The following CADM2 variants were observed in gnomAD, a reference collection of about 807,000 sequenced individuals.
CADM2 encodes immunoglobulin superfamily member 4D.
A neutral mutation model predicts 49.8 loss-of-function variants in CADM2; 12 were observed. The ratio of observed to expected loss-of-function variants is 0.24; its 90% CI spans 0.15 to 0.39. The LOEUF (loss-of-function observed/expected upper bound fraction) is 0.39, where lower values mean the gene tolerates loss of function less well. Ranked by LOEUF, CADM2 falls within the 10% of genes least tolerant of loss-of-function variation. The pLI, the probability that CADM2 is intolerant of heterozygous loss-of-function variation, is 1.00. For missense variants in CADM2, 378 were observed against 492.3 expected (o/e 0.77, Z 2.20); for synonymous variants, 214 against 175.4 (o/e 1.22, Z -1.74).
At chr3:84,972,830 G>A (rs1276029908) in intron 1 of CADM2, among the ~76,000 whole-genome samples, 1 of 152,194 alleles carries the variant, frequency 6.6e-6, no homozygotes, top group Non-Finnish European at 1.5e-5. Context: ...CCCTTATGGA[G>A]TTTACAGTCT....
chr3:85,751,151 G>T (rs943045385), intron 2 of CADM2, among the ~76,000 whole-genome samples: 2 of 151,992 alleles, frequency 1.3e-5, no homozygotes, highest in African/African-American at 2.4e-5. Flanking sequence ...GCAAAAACTG[G>T]GTAGGGGCAA....
At chr3:85,717,650 G>T (rs2067343717) in intron 1 of CADM2, among the ~76,000 whole-genome samples, 1 of 152,156 alleles carries the variant, frequency 6.6e-6, no homozygotes, top group African/African-American at 2.4e-5. Context: ...TTATTACTTT[G>T]AGATACATTC....
intron 2 of CADM2, among the ~76,000 whole-genome samples, chr3:85,743,878 A>C (rs977082792): frequency 6.6e-6 from 1 of 152,152 alleles, no homozygotes; most frequent in African/African-American, 2.4e-5. Flanking sequence ...ATTTAAATAA[A>C]TATATATTTA....
chr3:85,761,341 A>G (rs574842441), intron 2 of CADM2, among the ~76,000 whole-genome samples: 3 of 151,380 alleles, frequency 2.0e-5, no homozygotes, highest in Non-Finnish European at 4.4e-5. Flanking sequence ...TGGTATGAAT[A>G]AAAACTGTTG....
At chr3:85,998,736 T>C (rs1729747203) in intron 8 of CADM2, among the ~76,000 whole-genome samples, 1 of 152,034 alleles carries the variant, frequency 6.6e-6, no homozygotes, top group South Asian at 2.1e-4. Context: ...TATAGTATGA[T>C]GGATGGAAGA....
chr3:85,777,747 T>G (rs1198960926), intron 2 of CADM2, among the ~76,000 whole-genome samples: 1 of 152,198 alleles, frequency 6.6e-6, no homozygotes, highest in Non-Finnish European at 1.5e-5. Flanking sequence ...CTTCAATAAG[T>G]ACTTTCTCTC....
At chr3:85,442,520 C>A (rs1189789126) in intron 1 of CADM2, among the ~76,000 whole-genome samples, 1 of 148,154 alleles carries the variant, frequency 6.7e-6, no homozygotes, top group Non-Finnish European at 1.5e-5. Flanking sequence ...GGGAAGTAAT[C>A]ATGGTTAAGA....
intron 3 of CADM2, among the ~76,000 whole-genome samples, chr3:85,853,103 A>T (rs1048542722): frequency 6.6e-6 from 1 of 152,072 alleles, no homozygotes; most frequent in Admixed American, 6.6e-5. Context: ...AATCTTTCTT[A>T]AAAAAATTCT....
intron 8 of CADM2, among the ~76,000 whole-genome samples, chr3:86,063,991 T>A (rs2107420107): frequency 6.6e-6 from 1 of 152,206 alleles, no homozygotes; most frequent in East Asian, 1.9e-4. Context: ...TTTTCCAAAC[T>A]TTTGAGTGCC....
intron 1 of CADM2, among the ~76,000 whole-genome samples, chr3:85,463,248 C>T (rs757384377): frequency 2.6e-5 from 4 of 152,114 alleles, no homozygotes; most frequent in Non-Finnish European, 5.9e-5. Context: ...AAAGCAAGTT[C>T]TAGTGGTTGT....
intron 1 of CADM2, among the ~76,000 whole-genome samples, chr3:85,152,014 T>A (rs2039937241): frequency 6.6e-6 from 1 of 152,160 alleles, no homozygotes; most frequent in Non-Finnish European, 1.5e-5. Flanking sequence ...TGATGATAGT[T>A]TCAGTATTTA....
intron 8 of CADM2, among the ~76,000 whole-genome samples, chr3:85,989,612 G>C (rs62261592): frequency 2.0e-5 from 3 of 151,890 alleles, no homozygotes; most frequent in Non-Finnish European, 2.9e-5. Flanking sequence ...ACAGAGATAC[G>C]TGTGCTCCAA....
At chr3:86,030,568 A>G (rs1446136006) in intron 8 of CADM2, among the ~76,000 whole-genome samples, 1 of 151,974 alleles carries the variant, frequency 6.6e-6, no homozygotes, top group Non-Finnish European at 1.5e-5. Context: ...AAATTGGTTT[A>G]CTGATTTTCA....
chr3:85,527,315 G>A (rs1031865329), intron 1 of CADM2, among the ~76,000 whole-genome samples: 2 of 151,056 alleles, frequency 1.3e-5, no homozygotes, highest in African/African-American at 2.4e-5. Flanking sequence ...GAGACCAGGA[G>A]TTGGAGAGTT....
At chr3:85,540,586 C>T (rs1008889410) in intron 1 of CADM2, among the ~76,000 whole-genome samples, 7 of 152,088 alleles carry the variant, frequency 4.6e-5, no homozygotes, top group Non-Finnish European at 7.4e-5. Context: ...GTTTCAGAGT[C>T]CTCCTCTGTA....
chr3:85,110,835 C>T (rs553327920), intron 1 of CADM2, among the ~76,000 whole-genome samples: 4 of 151,710 alleles, frequency 2.6e-5, no homozygotes, highest in South Asian at 2.1e-4. Context: ...AGGATCTCAG[C>T]GTTTCTTATT....
chr3:85,973,692 A>G (rs774853545), intron 8 of CADM2, among the ~76,000 whole-genome samples: 4 of 151,784 alleles, frequency 2.6e-5, no homozygotes, highest in Admixed American at 6.6e-5. Flanking sequence ...TTATTATAAC[A>G]TCGCACATTT....
chr3:85,145,602 A>G (rs2039714648), intron 1 of CADM2, among the ~76,000 whole-genome samples: 1 of 152,026 alleles, frequency 6.6e-6, no homozygotes, highest in South Asian at 2.1e-4. Context: ...CAGGGACCAT[A>G]AATATTTTAT....
chr3:85,039,368 ATTT>A (rs11348826), intron 1 of CADM2, among the ~76,000 whole-genome samples: 32 of 145,886 alleles, frequency 2.2e-4, no homozygotes, highest in Admixed American at 4.8e-4. Flanking sequence ...AAGATAATGT[ATTT>A]TTTTTTTTTT....
Sources: allele counts gnomAD v4.1 joint callset (sites outside exome capture counted in the v4.1 genomes callset), GRCh38; gene constraint gnomAD v4.1.1; transcripts MANE v1.5; gene names NCBI Gene and HGNC (gene_info 2026-07-23, HGNC 2026-07-21).